Variants in ACADM observed in about 807,000 individuals in gnomAD.
ACADM encodes acyl-CoA dehydrogenase medium chain, also known as medium-chain specific acyl-CoA dehydrogenase, mitochondrial.
In ACADM, 49 loss-of-function variants were observed where a neutral mutation model predicts 58.9. That is an observed-to-expected ratio of 0.83 (90% CI 0.66 to 1.06). The LOEUF is 1.06. Ranked by LOEUF, ACADM falls within the 50% of genes least tolerant of loss-of-function variation. The pLI is 0.00. For missense variants in ACADM, 496 were observed against 507.0 expected (o/e 0.98, Z 0.21); for synonymous variants, 160 against 157.7 (o/e 1.01, Z -0.11).
At chr1:75,737,118 A>G (rs981175101) in intron 6 of ACADM, among the ~76,000 whole-genome samples, 2 of 151,172 alleles carry the variant, frequency 1.3e-5, no homozygotes, top group Admixed American at 6.6e-5. Context: ...GAAAAAAAAT[A>G]AATAAAAATG....
At chr1:75,737,186 A>C (rs1570870816) in intron 6 of ACADM, among the ~76,000 whole-genome samples, 1 of 149,036 alleles carries the variant, frequency 6.7e-6, no homozygotes, top group South Asian at 2.1e-4. Flanking sequence ...TAATCTTAAC[A>C]CTTTGGGAAG....
intron 10 of ACADM, among the ~76,000 whole-genome samples, chr1:75,752,169 A>G (rs781741615): frequency 5.9e-5 from 9 of 151,806 alleles, no homozygotes; most frequent in Non-Finnish European, 1.0e-4. Context: ...TTTTGTAGAG[A>G]TGAGGTCTCA....
intron 1 of ACADM, among the ~76,000 whole-genome samples, chr1:75,725,944 C>T (rs1310829939): frequency 6.6e-6 from 1 of 152,212 alleles, no homozygotes; most frequent in Non-Finnish European, 1.5e-5. Context: ...AGATCCCGTG[C>T]TGTTTCTGTT....
intron 10 of ACADM, among the ~76,000 whole-genome samples, chr1:75,756,169 T>A (rs61799969): frequency 0.37 from 56,466 of 151,622 alleles, 11,468 homozygotes; most frequent in African/African-American, 0.54. Flanking sequence ...CAGGGATACC[T>A]TCTCTCACCA....
At chr1:75,759,916 C>T (rs1281689616) in intron 10 of ACADM, among the ~76,000 whole-genome samples, 1 of 151,862 alleles carries the variant, frequency 6.6e-6, no homozygotes, top group African/African-American at 2.4e-5. Flanking sequence ...CCGCCTCGGC[C>T]TCTCAAAGTG....
intron 11 of ACADM, chr1:75,761,753 T>C (rs900187399): frequency 4.3e-6 from 1 of 232,924 alleles, no homozygotes; most frequent in African/African-American, 2.3e-5. Context: ...ATACTTGGAG[T>C]CAAAAACCAA....
intron 7 of ACADM, among the ~76,000 whole-genome samples, chr1:75,742,221 C>G (rs974752030): frequency 1.4e-5 from 2 of 142,966 alleles, no homozygotes; most frequent in African/African-American, 5.1e-5. Flanking sequence ...GCCCTAGTGT[C>G]AAATGTCAGC....
rs766173642 is a variant in ACADM, at chr1:75,732,898, A to AAC, written c.270_271dup (p.Ile91ThrfsTer18). The AAC allele has an allele frequency of 6.2e-7, 1 of 1,614,042 alleles. No homozygotes were observed. The highest frequency in any genetic ancestry group is 8.5e-7 in the Non-Finnish European group (1 of 1,179,916). ...AAGAGCCTGGGAACTTGGTTTAATG[A>AAC]ACACACACATTCCAGAGAACTGTGG... On this transcript the variant is annotated frameshift_variant, in exon 4 of 12. Coordinates refer to ENST00000370841, the MANE Select transcript of ACADM (RefSeq NM_000016.6). LOFTEE classifies it high-confidence loss of function.
intron 10 of ACADM, among the ~76,000 whole-genome samples, chr1:75,752,453 G>C (rs1224168158): frequency 6.6e-6 from 1 of 152,100 alleles, no homozygotes; most frequent in Admixed American, 6.6e-5. Flanking sequence ...TGGCACTGTG[G>C]ACAAACTTGG....
chr1:75,735,185 G>A (rs567635848), intron 6 of ACADM, among the ~76,000 whole-genome samples: 5 of 151,896 alleles, frequency 3.3e-5, no homozygotes, highest in Non-Finnish European at 7.4e-5. Flanking sequence ...GCGTGATGGC[G>A]CCTGCCTATA....
chr1:75,732,085 G>A (rs372343895), intron 2 of ACADM, among the ~76,000 whole-genome samples: 1 of 151,868 alleles, frequency 6.6e-6, no homozygotes, highest in Non-Finnish European at 1.5e-5. Context: ...CCAGGAGGTC[G>A]AGGCTACAGT....
At chr1:75,728,335 CAGT>C in intron 1 of ACADM, 63 bp from the exon 2 acceptor site, 3 of 1,314,190 alleles carry the variant, frequency 2.3e-6, no homozygotes, top group Non-Finnish European at 3.2e-6. Context: ...TTATGATTAT[CAGT>C]AGTCTCTTAT....
chr1:75,734,312 C>G lies in ACADM; in HGVS notation c.388-479C>G, dbSNP rs546776949. 1.9e-3 allele frequency among the ~76,000 whole-genome samples: 293 copies of G among 150,498 alleles called. 1 individual carries two copies. Among genetic ancestry groups the G allele is most frequent in the African/African-American group, 6.9e-3 (283 of 40,762 alleles). On this transcript the variant is annotated intron_variant, in intron 5 of 11. Coordinates refer to ENST00000370841, the MANE Select transcript of ACADM (RefSeq NM_000016.6). ...CCAAGTAACTGGGACTACAGGCGCCCGCCACCATGCCCGGCTAATTTTTTT... is the reference window on the plus strand; with the variant it reads ...CCAAGTAACTGGGACTACAGGCGCCGGCCACCATGCCCGGCTAATTTTTTT...
At chr1:75,734,960 G>C in intron 6 of ACADM, 89 bp downstream of exon 6, 1 of 982,262 alleles carries the variant, frequency 1.0e-6, no homozygotes, top group African/African-American at 1.6e-5. Context: ...TATATATTGG[G>C]ATATTTAGCA....
At position 75,732,628 on chromosome 1, in the gene ACADM, A is replaced by C; in HGVS notation, c.119-16A>C. The stretch of plus-strand genomic sequence containing the variant: ...TTGTTATCCAGTTTTAACTTTTCTA[A>C]ATAATTTTCCCTTAGAGTTCACCGA... On this transcript the variant is annotated splice_polypyrimidine_tract_variant and intron_variant, in intron 2 of 11. Coordinates refer to ENST00000370841, the MANE Select transcript of ACADM (RefSeq NM_000016.6). 22 of 1,601,346 alleles carry C rather than the reference A, an allele frequency of 1.4e-5. No homozygotes were observed. Among genetic ancestry groups the C allele is most frequent in the Non-Finnish European group, 1.9e-5 (22 of 1,168,446 alleles).
intron 6 of ACADM, among the ~76,000 whole-genome samples, chr1:75,736,743 C>G (rs1570870015): frequency 6.6e-6 from 1 of 152,158 alleles, no homozygotes; most frequent in East Asian, 1.9e-4. Flanking sequence ...TATAACTTTT[C>G]TAATTATAAA....
intron 6 of ACADM, 35 bp downstream of exon 6, chr1:75,734,906 TAAG>T (rs779446470): frequency 4.7e-5 from 70 of 1,492,780 alleles, no homozygotes; most frequent in Non-Finnish European, 4.3e-5. Flanking sequence ...ATTTCACACT[TAAG>T]AAGGGAACAA....
chr1:75,737,875 T>C (rs956694985), intron 6 of ACADM, among the ~76,000 whole-genome samples: 2 of 152,246 alleles, frequency 1.3e-5, no homozygotes, highest in Admixed American at 6.5e-5. Context: ...TACTTTTCTT[T>C]GGCTATATTG....
rs1184293333 is a variant in ACADM at position 75,760,399 on chromosome 1, G to A, written c.946-723G>A. Among the ~76,000 whole-genome samples, 4 of 149,312 alleles carry A rather than the reference G, an allele frequency of 2.7e-5. No individual in the cohort carries two copies. The East Asian group carries it at 7.9e-4, about 29-fold the overall frequency. The stretch of plus-strand genomic sequence containing the variant: ...AACGCACCACTTCACCCCAGCCTGG[G>A]CAAAAGAGTGAAACTTTGTCTCAGA... On this transcript the variant is annotated intron_variant, in intron 10 of 11. Transcript: ENST00000370841.
Sources: gnomAD v4.1 joint callset for allele counts (sites outside exome capture counted in the v4.1 genomes callset) on GRCh38, gnomAD v4.1.1 for gene constraint, MANE v1.5 for transcripts, NCBI Gene and HGNC (gene_info 2026-07-23, HGNC 2026-07-21) for gene names.